Variants in HIVEP1 observed in about 807,000 individuals in gnomAD.
HIVEP1 encodes zinc finger protein 40.
Under a neutral mutation model 180.0 loss-of-function variants are expected in HIVEP1, and 36 were observed. That is an observed-to-expected ratio of 0.20 (90% CI 0.15 to 0.26). The LOEUF is 0.26. HIVEP1 is among the 10% of genes least tolerant of loss of function. The probability of loss-of-function intolerance (pLI) is 1.00; values close to 1 mark genes in which losing one functional copy is unlikely to be tolerated. For synonymous variants in HIVEP1, 1,239 were observed against 1,239.0 expected (o/e 1.00, Z 0.00); for missense variants, 3,143 against 3,268.7 (o/e 0.96, Z 0.94).
intron 2 of HIVEP1, among the ~76,000 whole-genome samples, chr6:12,033,134 A>G (rs913069627): frequency 1.3e-5 from 2 of 152,240 alleles, no homozygotes; most frequent in Non-Finnish European, 2.9e-5. Flanking sequence ...ACACTTTAGT[A>G]TAAAAGAGCC....
the HIVEP1 span, among the ~76,000 whole-genome samples, chr6:12,188,413 A>G: frequency 2.0e-5 from 3 of 152,202 alleles, no homozygotes; most frequent in Non-Finnish European, 4.4e-5. Context: ...TTCTAGGACC[A>G]CCACCATGTA....
chr6:12,177,949 T>C, the HIVEP1 span, among the ~76,000 whole-genome samples: 1 of 152,222 alleles, frequency 6.6e-6, no homozygotes, highest in African/African-American at 2.4e-5. Context: ...TTATGTTTCT[T>C]GTGACTTTAA....
intron 2 of HIVEP1, among the ~76,000 whole-genome samples, chr6:12,042,828 C>A (rs1769864527): frequency 6.6e-6 from 1 of 151,966 alleles, no homozygotes. Flanking sequence ...AGTACTTTTT[C>A]TTTCAGTGAT....
At chr6:12,174,796 G>A in the HIVEP1 span, among the ~76,000 whole-genome samples, 2 of 150,960 alleles carry the variant, frequency 1.3e-5, no homozygotes, top group Non-Finnish European at 3.0e-5. Context: ...TACAACTTTT[G>A]TTGTTGTTGT....
intron 2 of HIVEP1, among the ~76,000 whole-genome samples, chr6:12,078,157 T>A (rs1343256736): frequency 2.6e-5 from 4 of 152,140 alleles, no homozygotes; most frequent in African/African-American, 9.7e-5. Flanking sequence ...TCAATACTCC[T>A]AGAGAAGGGA....
chr6:12,039,749 C>A (rs1769546169), intron 2 of HIVEP1, among the ~76,000 whole-genome samples: 1 of 152,168 alleles, frequency 6.6e-6, no homozygotes, highest in Non-Finnish European at 1.5e-5. Flanking sequence ...GCTGTCATAA[C>A]CCCCAACACA....
chr6:12,186,599 A>G, the HIVEP1 span, among the ~76,000 whole-genome samples: 1 of 152,100 alleles, frequency 6.6e-6, no homozygotes, highest in Non-Finnish European at 1.5e-5. Context: ...TACCTAATAA[A>G]GCCTAAAGTC....
In HIVEP1 at chr6:12,121,581, C is replaced by A. The variant is rs1269057053; in HGVS notation, c.1786C>A (p.Leu596Ile). ...TTCTAGTGCACAAAAGCAGAAGGAC[C>A]TTCAGGTGACAAACGTACAGCCACT... is the stretch of plus-strand genomic sequence containing the variant. ...ELSSAQKQKD[L>I]QVTNVQPLSA... Residue 596 changes from leucine to isoleucine, a missense_variant, in exon 4 of 9, where the codon CTT (leucine) becomes ATT (isoleucine). Around this residue, in one of 12 missense-constraint regions of HIVEP1, gnomAD observed 365 missense variants for 344.4 expected, o/e 1.06. Coordinates refer to ENST00000379388, the MANE Select transcript of HIVEP1 (RefSeq NM_002114.4). This position sits in a 1 kb window ranked among gnomAD's most constrained non-coding sequence, Gnocchi z 5.3. The A allele has an allele frequency of 6.2e-7, 1 of 1,614,136 alleles. No homozygotes were observed. The highest frequency in any genetic ancestry group is 2.2e-5 in the East Asian group (1 of 44,892).
rs1561974988 is a variant in HIVEP1, at chr6:12,124,857, A to G, written c.5062A>G (p.Thr1688Ala). 7 of 1,614,222 alleles carry G rather than the reference A, an allele frequency of 4.3e-6. No homozygotes were observed. Among genetic ancestry groups the G allele is most frequent in the Middle Eastern group, 1.6e-4 (1 of 6,062 alleles). Reference sequence around the variant, plus strand: ...CAGTGAAGAACAAAATTCTGTGCCAACATTACAAAAAGGTCATCAGAATGC... The same window carrying G: ...CAGTGAAGAACAAAATTCTGTGCCAGCATTACAAAAAGGTCATCAGAATGC... ...PISEEQNSVP[T>A]LQKGHQNALP... The change falls in exon 4 of 9, where the codon ACA (threonine) becomes GCA (alanine). Residue 1688 changes from threonine to alanine, a missense_variant. Physicochemically the swap from Thr to Ala is moderately conservative, Grantham distance 58 (BLOSUM62 0). This residue lies in a region of HIVEP1 where 1,357 missense variants were observed against 1,260.5 expected (regional missense o/e 1.08). Coordinates refer to ENST00000379388, the MANE Select transcript of HIVEP1 (RefSeq NM_002114.4).
upstream of HIVEP1, among the ~76,000 whole-genome samples, chr6:12,010,814 C>T (rs913248023): frequency 4.6e-5 from 7 of 152,202 alleles, no homozygotes; most frequent in Non-Finnish European, 1.0e-4. Flanking sequence ...CCACTCCTTG[C>T]TTTCTCTACT....
chr6:12,135,948 GCTTCCATACC>G, intron 7 of HIVEP1, 56 bp downstream of exon 7: 1 of 1,148,556 alleles, frequency 8.7e-7, no homozygotes, highest in Non-Finnish European at 1.3e-6. Context: ...CAATTTTTTT[GCTTCCATACC>G]CTTTCCATTC....
intron 2 of HIVEP1, among the ~76,000 whole-genome samples, chr6:12,071,928 T>C (rs569546337): frequency 1.1e-4 from 17 of 152,248 alleles, no homozygotes; most frequent in Non-Finnish European, 2.4e-4. Flanking sequence ...AATTATCTTT[T>C]GAAGAACTAA....
chr6:12,180,180 G>A, the HIVEP1 span, among the ~76,000 whole-genome samples: 1 of 152,092 alleles, frequency 6.6e-6, no homozygotes, highest in African/African-American at 2.4e-5. Flanking sequence ...AGGAAACTGA[G>A]GCTGAGAATG....
chr6:12,086,009 C>A (rs1384101824), intron 2 of HIVEP1, among the ~76,000 whole-genome samples: 4 of 152,020 alleles, frequency 2.6e-5, no homozygotes, highest in Non-Finnish European at 4.4e-5. Context: ...CATTTTCTTA[C>A]ACAAAATTTT....
intron 2 of HIVEP1, among the ~76,000 whole-genome samples, chr6:12,022,247 T>G (rs1299680682): frequency 6.6e-6 from 1 of 152,096 alleles, no homozygotes; most frequent in Non-Finnish European, 1.5e-5. Context: ...CTTGGCTCAC[T>G]GCAACCTCCA....
chr6:12,026,459 A>C lies in HIVEP1; in HGVS notation c.40+10791A>C, dbSNP rs534586318. Among the ~76,000 whole-genome samples, 52 of 152,328 alleles carry C rather than the reference A, an allele frequency of 3.4e-4. No homozygotes were observed. In the Middle Eastern group the frequency reaches 0.01, roughly 30 times the overall value. The stretch of plus-strand genomic sequence containing the variant: ...TTGGTAGAAGAATGAATGGGGGAAA[A>C]ATTACGCAGAAGTGATTGTTGGTTT... On this transcript the variant is annotated intron_variant, in intron 2 of 8. Transcript: ENST00000379388.
chr6:12,164,918 T>C lies in HIVEP1; in HGVS notation c.*457T>C. The stretch of plus-strand genomic sequence containing the variant: ...GTCTTTGAAAATGGGTCTGTCCTCC[T>C]TGTGTAAGACAGTAACTTTACACTT... On this transcript the variant is annotated 3_prime_UTR_variant, in exon 9 of 9. Transcript: ENST00000379388. 3.5e-6 allele frequency: 1 copy of C among 283,342 alleles called. No homozygotes were observed. Among genetic ancestry groups the C allele is most frequent in the Non-Finnish European group, 6.9e-6 (1 of 144,352 alleles). The allele number at this position is 283,342 out of a possible 1,614,324, so 17.6% of individuals were successfully genotyped here. A position where few individuals can be genotyped will look rare whatever the true frequency, so the allele number is the denominator to read the frequency against.
At chr6:12,074,461 G>T (rs576645311) in intron 2 of HIVEP1, among the ~76,000 whole-genome samples, 2 of 152,092 alleles carry the variant, frequency 1.3e-5, no homozygotes, top group African/African-American at 4.8e-5. Flanking sequence ...ATGAAAATGA[G>T]CAGAAAAGTT....
At chr6:12,104,570 C>T (rs1168497579) in intron 3 of HIVEP1, among the ~76,000 whole-genome samples, 1 of 151,636 alleles carries the variant, frequency 6.6e-6, no homozygotes, top group African/African-American at 2.4e-5. Flanking sequence ...AGGCATGCAC[C>T]ACTGCACCCA....
Sources: gnomAD v4.1 joint callset for allele counts (sites outside exome capture counted in the v4.1 genomes callset) on GRCh38, gnomAD v4.1.1 for gene constraint, gnomAD v4.1.1 regional missense constraint, Gnocchi (gnomAD v3.1) non-coding constraint, MANE v1.5 for transcripts, NCBI Gene and HGNC (gene_info 2026-07-23, HGNC 2026-07-21) for gene names.